Variants in LTBP3 observed in about 807,000 individuals in gnomAD.
LTBP3 encodes latent transforming growth factor beta binding protein 3.
In LTBP3, 97 loss-of-function variants were observed where a neutral mutation model predicts 159.7. The ratio of observed to expected loss-of-function variants is 0.61; its 90% CI spans 0.52 to 0.72. The LOEUF (loss-of-function observed/expected upper bound fraction) is 0.72. LTBP3 is among the 30% of genes least tolerant of loss of function. The pLI is 0.00. For missense variants in LTBP3, 1,584 were observed against 1,864.3 expected, an observed-to-expected ratio of 0.85 and a Z score of 2.77; for synonymous variants, 824 against 777.1, an observed-to-expected ratio of 1.06 and a Z score of -1.00.
chr11:65,540,751 G>A, intron 21 of LTBP3, 120 bp downstream of exon 21: 6 of 1,059,540 alleles, frequency 5.7e-6, no homozygotes, highest in Non-Finnish European at 7.7e-6. Context: ...GGGCCTGCGA[G>A]GAAGGTGCGG....
At position 65,543,524 on chromosome 11, in the gene LTBP3, G is replaced by A. The variant is rs919732061; in HGVS notation, c.2379C>T (p.Asp793=). 70 of 1,613,952 alleles carry A rather than the reference G, an allele frequency of 4.3e-5. No homozygotes were observed. The highest frequency in any genetic ancestry group is 8.9e-5 in the East Asian group (4 of 44,892). ...CLDVDECEAG[D]VCDNGICSNT... is the part of the protein sequence containing the mutation. ...TGCTGCAGATGCCATTGTCACACACGTCCCCAGCCTCACACTCGTCCACAT... is the reference window on the plus strand; with the variant it reads ...TGCTGCAGATGCCATTGTCACACACATCCCCAGCCTCACACTCGTCCACAT... The change falls in exon 17 of 28, where the codon GAC becomes GAT. Residue 793 remains aspartate (D), a synonymous_variant. Coordinates refer to ENST00000301873, the MANE Select transcript of LTBP3 (RefSeq NM_001130144.3).
Position 65,543,421 on chromosome 11 carries a change from C to G in LTBP3, c.2476+6G>C, listed in dbSNP as rs755992204. 6.2e-7 allele frequency: 1 copy of G among 1,614,022 alleles called. No individual in the cohort carries two copies. Among genetic ancestry groups the G allele is most frequent in the East Asian group, 2.2e-5 (1 of 44,888 alleles). On this transcript the variant is annotated splice_donor_region_variant and intron_variant, in intron 17 of 27. Coordinates refer to ENST00000301873, the MANE Select transcript of LTBP3 (RefSeq NM_001130144.3). ...AGGTCAGCACCCCAGCTCTAAGATC[C>G]CTCACCCTCGCAGTGGCTCCGGTCC...
At chr11:65,550,568 G>A (rs1856566806) in intron 11 of LTBP3, among the ~76,000 whole-genome samples, 1 of 152,106 alleles carries the variant, frequency 6.6e-6, no homozygotes, top group Non-Finnish European at 1.5e-5. Context: ...GTTCATGCCT[G>A]TAATCCCAGC....
Position 65,546,466 on chromosome 11 carries a change from C to A in LTBP3, c.2329G>T (p.Ala777Ser). ...RCTCAQGYAP[A>S]PDGRSCLDVD... ...CCCAAGCAACTGCGGCCGTCGGGCG[C>A]GGGCGCGTAGCCCTGGGCACAGGTG... Residue 777 changes from alanine to serine, a missense_variant, in exon 16 of 28, where the codon GCG (alanine) becomes TCG (serine). Transcript: ENST00000301873. The surrounding 1 kb of genome is among the most constrained non-coding windows in gnomAD (Gnocchi z 4.0). The A allele has an allele frequency of 6.3e-7, 1 of 1,579,672 alleles. No individual in the cohort carries two copies. The highest frequency in any genetic ancestry group is 8.5e-7 in the Non-Finnish European group (1 of 1,170,534).
chr11:65,547,324 A>T lies in LTBP3; in HGVS notation c.2107+115T>A. The T allele has an allele frequency of 1.6e-6, 2 of 1,280,248 alleles. No individual in the cohort carries two copies. The highest frequency in any genetic ancestry group is 2.2e-6 in the Non-Finnish European group (2 of 914,450). The allele number at this position is 1,280,248 out of a possible 1,614,324, so 79.3% of individuals were successfully genotyped here. On this transcript the variant is annotated intron_variant, in intron 14 of 27. Coordinates refer to ENST00000301873, the MANE Select transcript of LTBP3 (RefSeq NM_001130144.3). The surrounding 1 kb of genome is among the most constrained non-coding windows in gnomAD (Gnocchi z 4.6). Reference sequence around the variant, plus strand: ...TCACCACCGCACTCCAGCCTGGGCGACAGAGTGAGACTCCGTCTCGGGGGA... The same window carrying T: ...TCACCACCGCACTCCAGCCTGGGCGTCAGAGTGAGACTCCGTCTCGGGGGA...
rs757839033 is a variant in LTBP3, at chr11:65,547,897, C to A, written c.1846+23G>T. ...GGGTCCCCCCCCACCCACCTGCATG[C>A]CCGCCGCCTGCCCTGCGCTCACCCA... On this transcript the variant is annotated intron_variant, in intron 12 of 27. Transcript: ENST00000301873. The surrounding 1 kb of genome is among the most constrained non-coding windows in gnomAD (Gnocchi z 4.6). 1.9e-6 allele frequency: 3 copies of A among 1,613,444 alleles called. No homozygotes were observed. Among genetic ancestry groups the A allele is most frequent in the South Asian group, 1.1e-5 (1 of 91,076 alleles).
chr11:65,538,715 C>A lies in LTBP3; in HGVS notation c.*365G>T. ...AAATTCTATTTCACACCCCTTGTGC[C>A]GGGCTCAGTCTAGCCCCTGGGAGGC... On this transcript the variant is annotated 3_prime_UTR_variant, in exon 28 of 28. Transcript: ENST00000301873. The A allele has an allele frequency of 8.8e-7, 1 of 1,135,190 alleles. No homozygotes were observed. The highest frequency in any genetic ancestry group is 2.6e-5 in the East Asian group (1 of 38,328). 70.3% of individuals were successfully genotyped at this position (1,135,190 alleles called of 1,614,324 possible). A position where few individuals can be genotyped will look rare whatever the true frequency, so the allele number is the denominator to read the frequency against.
intron 16 of LTBP3, chr11:65,545,079 C>T (rs1856308710): frequency 5.9e-6 from 1 of 169,222 alleles, no homozygotes; most frequent in South Asian, 2.0e-4. Flanking sequence ...TAAGTCTTGT[C>T]CTAAGACTTA....
rs1234185043 is a variant in LTBP3 at position 65,546,453 on chromosome 11, C to A, written c.2342G>T (p.Arg781Leu). ...GTGCTGGCGCTCACCCAAGCAACTG[C>A]GGCCGTCGGGCGCGGGCGCGTAGCC... Reference protein sequence around the residue: ...AQGYAPAPDGRSCLDVDECEA... With the variant: ...AQGYAPAPDGLSCLDVDECEA... Residue 781 changes from arginine (R) to leucine (L), a missense_variant, in exon 16 of 28, where the codon CGC (arginine) becomes CTC (leucine). Arg to Leu is a moderately radical substitution (Grantham distance 102). Transcript: ENST00000301873. The surrounding 1 kb of genome is among the most constrained non-coding windows in gnomAD (Gnocchi z 4.0). The A allele has an allele frequency of 6.4e-7, 1 of 1,566,002 alleles. No individual in the cohort carries two copies. Among genetic ancestry groups the A allele is most frequent in the South Asian group, 1.1e-5 (1 of 87,124 alleles).
At position 65,539,875 on chromosome 11, in the gene LTBP3, G is replaced by A. The variant is rs1338933893; in HGVS notation, c.3392C>T (p.Ala1131Val). ...CQLPESPAER[A>V]PERRDVCWSQ... ...CCAGCACACGTCGCGCCGCTCCGGGGCACGCTCTGCGGAAGACACCTGGCA... is the reference window on the plus strand; with the variant it reads ...CCAGCACACGTCGCGCCGCTCCGGGACACGCTCTGCGGAAGACACCTGGCA... Residue 1131 changes from alanine to valine, a missense_variant, in exon 25 of 28, where the codon GCC (alanine) becomes GTC (valine). Around this residue, in one of 6 missense-constraint regions of LTBP3, gnomAD observed 514 missense variants for 530.3 expected, o/e 0.97. Coordinates refer to ENST00000301873, the MANE Select transcript of LTBP3 (RefSeq NM_001130144.3). 3 of 1,513,254 alleles carry A rather than the reference G, an allele frequency of 2.0e-6. No individual in the cohort carries two copies. The highest frequency in any genetic ancestry group is 5.2e-5 in the East Asian group (2 of 38,360). The allele number at this position is 1,513,254 out of a possible 1,614,324, so 93.7% of individuals were successfully genotyped here.
At chr11:65,543,849 T>G in intron 16 of LTBP3, 7 of 439,940 alleles carry the variant, frequency 1.6e-5, no homozygotes, top group Non-Finnish European at 2.1e-5. Flanking sequence ...GGCTCCCTTT[T>G]TCCTCTGGGG....
chr11:65,557,512 G>T, intron 1 of LTBP3, 117 bp downstream of exon 1: 1 of 1,426,598 alleles, frequency 7.0e-7, no homozygotes, highest in Non-Finnish European at 9.6e-7. Context: ...CCAGGCCCTC[G>T]GATCTCTGCC....
chr11:65,540,691 C>A, intron 21 of LTBP3, 77 bp from the exon 22 acceptor site: 6 of 1,061,796 alleles, frequency 5.7e-6, no homozygotes, highest in Non-Finnish European at 5.1e-6. Context: ...ACCACCGGAG[C>A]GAAGCCATCC....
At chr11:65,539,275 C>A (rs1288516770) in intron 27 of LTBP3, 44 bp from the exon 28 acceptor site, 2 of 1,515,312 alleles carry the variant, frequency 1.3e-6, no homozygotes, top group Admixed American at 2.0e-5. Flanking sequence ...AGCCTCCAGG[C>A]GGCTCCTCAC....
At position 65,552,808 on chromosome 11, in the gene LTBP3, T is replaced by C; in HGVS notation, c.1186+52A>G. On this transcript the variant is annotated intron_variant, in intron 6 of 27. Coordinates refer to ENST00000301873, the MANE Select transcript of LTBP3 (RefSeq NM_001130144.3). This position sits in a 1 kb window ranked among gnomAD's most constrained non-coding sequence, Gnocchi z 6.0. ...CTGATCTCTTGCGATCTCTGATCCT[T>C]GCTCCCACCCATGCCTTGTGACCTC... 6.2e-7 allele frequency: 1 copy of C among 1,613,696 alleles called. No individual in the cohort carries two copies. The highest frequency in any genetic ancestry group is 1.6e-4 in the Middle Eastern group (1 of 6,062).
chr11:65,557,940 G>T lies in LTBP3; in HGVS notation c.20C>A (p.Ala7Asp). The T allele has an allele frequency of 8.4e-7, 1 of 1,187,984 alleles. No homozygotes were observed. The highest frequency in any genetic ancestry group is 3.1e-5 in the South Asian group (1 of 31,808). The allele number at this position is 1,187,984 out of a possible 1,614,324, so 73.6% of individuals were successfully genotyped here. Residue 7 changes from alanine (A) to aspartate (D), a missense_variant, in exon 1 of 28, where the codon GCT (alanine) becomes GAT (aspartate). Around this residue, in one of 6 missense-constraint regions of LTBP3, gnomAD observed 79 missense variants for 64.7 expected, o/e 1.22. Transcript: ENST00000301873. The part of the protein sequence containing the change: MPGPRG[A>D]AGGLAPEMRG... ...CATCTCAGGGGCCAGGCCGCCAGCA[G>T]CCCCTCGGGGCCCGGGCATCCGGGG... is the stretch of plus-strand genomic sequence containing the variant.
Position 65,547,824 on chromosome 11 carries a change from G to A in LTBP3, c.1847-3C>T. The A allele has an allele frequency of 6.2e-7, 1 of 1,613,308 alleles. No homozygotes were observed. Among genetic ancestry groups the A allele is most frequent in the Non-Finnish European group, 8.5e-7 (1 of 1,179,926 alleles). On this transcript the variant is annotated splice_polypyrimidine_tract_variant and splice_region_variant and intron_variant, in intron 12 of 27. Transcript: ENST00000301873. This position sits in a 1 kb window ranked among gnomAD's most constrained non-coding sequence, Gnocchi z 4.6. ...CTCTGCCTCGCACTCGTTCACATCT[G>A]AGAAGAACGGGTAGGCCAAGAAAAG...
In LTBP3 at chr11:65,552,081, G is replaced by C. The variant is rs111330939; in HGVS notation, c.1422C>G (p.Gly474=). 7 of 1,614,146 alleles carry C rather than the reference G, an allele frequency of 4.3e-6. No homozygotes were observed. The South Asian group carries it at 6.6e-5, about 15-fold the overall frequency. ...LTSHQTLTIQ[G]ESDFSLFLHP... is the part of the protein sequence containing the mutation. The stretch of plus-strand genomic sequence containing the variant: ...GCAGGAAAAGGGAAAAGTCACTCTC[G>C]CCCTGAATGGTGAGCGTCTGGTGGG... Residue 474 remains glycine (G), a synonymous_variant, in exon 8 of 28, where the codon GGC becomes GGG. Transcript: ENST00000301873. This position sits in a 1 kb window ranked among gnomAD's most constrained non-coding sequence, Gnocchi z 6.0.
At position 65,543,175 on chromosome 11, in the gene LTBP3, G is replaced by C; in HGVS notation, c.2526C>G (p.Ile842Met). ...FPAACIGGDC[I>M]NTNGSYRCLC... ...GACATCTGTAGGAGCCATTGGTATT[G>C]ATGCAGTCACCCCCAATGCAGGCTG... Residue 842 changes from isoleucine (I) to methionine (M), a missense_variant, in exon 18 of 28, where the codon ATC becomes ATG. By Grantham distance (10) the Ile-to-Met change is conservative (BLOSUM62 1). Transcript: ENST00000301873. The C allele has an allele frequency of 6.2e-7, 1 of 1,614,110 alleles. No individual in the cohort carries two copies. The highest frequency in any genetic ancestry group is 8.5e-7 in the Non-Finnish European group (1 of 1,179,996).
Sources: allele counts gnomAD v4.1 joint callset (sites outside exome capture counted in the v4.1 genomes callset), GRCh38; gene constraint gnomAD v4.1.1; regional missense constraint gnomAD v4.1.1; non-coding constraint Gnocchi (gnomAD v3.1); transcripts MANE v1.5; gene names NCBI Gene and HGNC (gene_info 2026-07-23, HGNC 2026-07-21).